The following BRINP3 variants were observed in gnomAD, a reference collection of about 807,000 sequenced individuals.
BRINP3 encodes the protein BMP/retinoic acid-inducible neural-specific protein 3.
A neutral mutation model predicts 71.0 loss-of-function variants in BRINP3; 19 were observed. The observed-to-expected ratio is 0.27, with a 90% CI of 0.19 to 0.39. The LOEUF is 0.39. Ranked by LOEUF, BRINP3 falls within the 10% of genes least tolerant of loss-of-function variation. BRINP3 has a pLI of 1.00. For missense variants in BRINP3, 959 were observed against 940.8 expected (o/e 1.02, Z -0.25); for synonymous variants, 380 against 337.7 (o/e 1.13, Z -1.37).
chr1:190,300,870 C>T (rs34325280), intron 2 of BRINP3, among the ~76,000 whole-genome samples: 25,314 of 151,718 alleles, frequency 0.17, 2,624 homozygotes, highest in Non-Finnish European at 0.23. Context: ...AGCAGAGCAC[C>T]TCTCCTCCTC....
At chr1:190,124,745 A>G (rs1459015759) in intron 7 of BRINP3, among the ~76,000 whole-genome samples, 1 of 152,092 alleles carries the variant, frequency 6.6e-6, no homozygotes, top group Admixed American at 6.6e-5. Context: ...AGATGTGCAA[A>G]ATTGATGTAA....
At chr1:190,259,857 G>A (rs187477727) in intron 4 of BRINP3, among the ~76,000 whole-genome samples, 40 of 151,104 alleles carry the variant, frequency 2.6e-4, no homozygotes, top group African/African-American at 7.5e-4. Flanking sequence ...TGTGAAACCC[G>A]GTCTCTACTT....
chr1:190,355,307 G>T (rs1252322387), intron 2 of BRINP3, among the ~76,000 whole-genome samples: 2 of 151,748 alleles, frequency 1.3e-5, no homozygotes, highest in East Asian at 3.9e-4. Context: ...TTACAAAATT[G>T]CCAGATTAAG....
chr1:190,333,536 A>G (rs1465669624), intron 2 of BRINP3, among the ~76,000 whole-genome samples: 3 of 152,032 alleles, frequency 2.0e-5, no homozygotes, highest in African/African-American at 7.2e-5. Flanking sequence ...GTGTTCAAAT[A>G]TATTAATGAT....
chr1:190,465,062 T>C (rs1323732952), intron 1 of BRINP3, among the ~76,000 whole-genome samples: 3 of 151,938 alleles, frequency 2.0e-5, no homozygotes, highest in Non-Finnish European at 2.9e-5. Flanking sequence ...AGAAGGTAAG[T>C]TCCATTCCTT....
intron 2 of BRINP3, among the ~76,000 whole-genome samples, chr1:190,427,199 T>C (rs549401480): frequency 1.8e-4 from 28 of 152,052 alleles, no homozygotes; most frequent in African/African-American, 5.5e-4. Flanking sequence ...GTATGTAAAA[T>C]TGTGTTCTCT....
Position 190,265,003 on chromosome 1 carries a change from A to C in BRINP3, c.480T>G (p.Ala160=). The C allele has an allele frequency of 6.2e-7, 1 of 1,611,602 alleles. No homozygotes were observed. Among genetic ancestry groups the C allele is most frequent in the Non-Finnish European group, 8.5e-7 (1 of 1,179,020 alleles). Residue 160 remains alanine (A), a synonymous_variant, in exon 4 of 8, where the codon GCT becomes GCG. Coordinates refer to ENST00000367462, the MANE Select transcript of BRINP3 (RefSeq NM_199051.3). ...FVDKRKLSKR[A]EGSDSTTNSS... ...TATTGGTGGTGGAATCACTTCCTTC[A>C]GCTCGTTTGCTCAACTTCCGCTTGT...
intron 3 of BRINP3, among the ~76,000 whole-genome samples, chr1:190,275,983 AGAAT>A (rs1662520763): frequency 6.6e-6 from 1 of 151,528 alleles, no homozygotes; most frequent in African/African-American, 2.4e-5. Context: ...AGACAGAAAG[AGAAT>A]GAGACAGAGA....
intron 2 of BRINP3, among the ~76,000 whole-genome samples, chr1:190,428,538 T>A (rs917012343): frequency 6.6e-6 from 1 of 152,084 alleles, no homozygotes. Flanking sequence ...CTTGTTTGTG[T>A]TCATTTAAAA....
At chr1:190,368,548 C>T (rs1166428010) in intron 2 of BRINP3, among the ~76,000 whole-genome samples, 3 of 151,952 alleles carry the variant, frequency 2.0e-5, no homozygotes, top group African/African-American at 4.8e-5. Context: ...TAAAGCATGA[C>T]AAAATAATGA....
intron 5 of BRINP3, among the ~76,000 whole-genome samples, chr1:190,233,001 G>T (rs974306445): frequency 2.0e-5 from 3 of 152,000 alleles, no homozygotes; most frequent in Non-Finnish European, 2.9e-5. Context: ...CATTTAAATT[G>T]TTAAAGTATT....
At chr1:190,229,796 C>T (rs1245459820) in intron 5 of BRINP3, among the ~76,000 whole-genome samples, 3 of 151,676 alleles carry the variant, frequency 2.0e-5, no homozygotes, top group Non-Finnish European at 4.4e-5. Context: ...GGAAAATGCA[C>T]CATCAATAAT....
chr1:190,181,443 C>G (rs1471101297), intron 6 of BRINP3, among the ~76,000 whole-genome samples: 5 of 151,704 alleles, frequency 3.3e-5, no homozygotes, highest in African/African-American at 9.7e-5. Flanking sequence ...TCTTGTCATT[C>G]CTTGTTTTTG....
chr1:190,308,589 A>G (rs1665294558), intron 2 of BRINP3, among the ~76,000 whole-genome samples: 1 of 151,848 alleles, frequency 6.6e-6, no homozygotes, highest in Non-Finnish European at 1.5e-5. Context: ...ACATGTATAC[A>G]TATGTAACAA....
chr1:190,250,419 G>A (rs1454382138), intron 4 of BRINP3, among the ~76,000 whole-genome samples: 2 of 151,936 alleles, frequency 1.3e-5, no homozygotes, highest in Non-Finnish European at 2.9e-5. Flanking sequence ...ATTTGTAAAT[G>A]GCATGTCATA....
chr1:190,295,095 G>C (rs923901133), intron 2 of BRINP3, among the ~76,000 whole-genome samples: 2 of 152,068 alleles, frequency 1.3e-5, no homozygotes, highest in Non-Finnish European at 2.9e-5. Context: ...GACCAGCACA[G>C]TGTAGGGGCT....
rs77496950 is a variant in BRINP3, at chr1:190,267,144, G to A, written c.428-2089C>T. Among the ~76,000 whole-genome samples the A allele has an allele frequency of 7.3e-3, 1,116 of 152,116 alleles. 14 individuals are homozygous for A. Among genetic ancestry groups the A allele is most frequent in the African/African-American group, 0.025 (1,036 of 41,524 alleles). ...AGAAATATATACAACCTCAAAATAA[G>A]GTAGATCTTATCAATAAATTGTAAA... On this transcript the variant is annotated intron_variant, in intron 3 of 7. Transcript: ENST00000367462.
chr1:190,301,184 T>G (rs1558160398), intron 2 of BRINP3, among the ~76,000 whole-genome samples: 1 of 112,900 alleles, frequency 8.9e-6, no homozygotes, highest in Admixed American at 1.1e-4. Flanking sequence ...TACATATATA[T>G]ATGTATATAT....
chr1:190,287,557 A>G (rs770898295), intron 2 of BRINP3, among the ~76,000 whole-genome samples: 11 of 152,292 alleles, frequency 7.2e-5, no homozygotes, highest in East Asian at 1.9e-4. Flanking sequence ...TAAAAGTCCA[A>G]TCACAAATAC....
Sources: gnomAD v4.1 joint callset for allele counts (sites outside exome capture counted in the v4.1 genomes callset) on GRCh38, gnomAD v4.1.1 for gene constraint, MANE v1.5 for transcripts, NCBI Gene and HGNC (gene_info 2026-07-23, HGNC 2026-07-21) for gene names.